The following RRBP1 variants were observed in gnomAD, a reference collection of about 807,000 sequenced individuals.
The protein encoded by RRBP1 is ribosome binding protein 1.
A neutral mutation model predicts 165.2 loss-of-function variants in RRBP1; 94 were observed. The observed-to-expected ratio is 0.57, with a 90% CI of 0.48 to 0.68. RRBP1 has a LOEUF of 0.68. RRBP1 is among the 30% of genes least tolerant of loss of function. The pLI is 0.00. For missense variants in RRBP1, 1,676 were observed against 1,763.0 expected (o/e 0.95, Z 0.88); for synonymous variants, 680 against 714.5 (o/e 0.95, Z 0.77).
chr20:17,677,864 GA>G (rs1188946891), intron 2 of RRBP1, among the ~76,000 whole-genome samples: 4 of 151,862 alleles, frequency 2.6e-5, no homozygotes, highest in African/African-American at 4.8e-5. Context: ...AAAAGAAAAA[GA>G]AAAAAAAGTT....
chr20:17,658,779 C>T lies in RRBP1; in HGVS notation c.1729G>A (p.Gly577Ser), dbSNP rs916948393. The T allele has an allele frequency of 6.2e-7, 1 of 1,613,928 alleles. No individual in the cohort carries two copies. The highest frequency in any genetic ancestry group is 1.6e-4 in the Middle Eastern group (1 of 6,062). Reference sequence around the variant, plus strand: ...TTGGGGGACCCTTCTGCCTTTTTGCCTTCACTGGGGGACCCTTCTGCTTTT... The same window carrying T: ...TTGGGGGACCCTTCTGCCTTTTTGCTTTCACTGGGGGACCCTTCTGCTTTT... Reference protein sequence around the residue: ...GKKAEGSPSEGKKAEGSPNQG... With the variant: ...GKKAEGSPSESKKAEGSPNQG... The change falls in exon 3 of 25, where the codon GGC becomes AGC. Residue 577 changes from glycine to serine, a missense_variant. Gly to Ser is a moderately conservative substitution (Grantham distance 56). Transcript: ENST00000377813.
chr20:17,620,514 C>T (rs531884487), intron 17 of RRBP1, 144 bp from the exon 18 acceptor site: 56 of 861,804 alleles, frequency 6.5e-5, no homozygotes, highest in Middle Eastern at 6.5e-4. Flanking sequence ...GTCACCCTGG[C>T]GCCATCTGGC....
rs117131714 is a variant in RRBP1 at position 17,622,307 on chromosome 20, G to A, written c.3148-360C>T. ...GTGTGCATGTGTGGGGGAATTTGGG[G>A]GGTCCGCAGTTGATGTGTGAGAGCC... On this transcript the variant is annotated intron_variant, in intron 13 of 24. Transcript: ENST00000377813. Among the ~76,000 whole-genome samples the A allele has an allele frequency of 5.8e-3, 883 of 152,286 alleles. 18 individuals carry two copies. In the East Asian group the frequency reaches 0.061, roughly 10 times the overall value.
Position 17,626,909 on chromosome 20 carries a change from C to T in RRBP1, c.2963+439G>A, listed in dbSNP as rs547257281. Among the ~76,000 whole-genome samples the T allele has an allele frequency of 5.3e-5, 8 of 152,352 alleles. No individual in the cohort carries two copies. The South Asian group carries it at 6.2e-4, about 12-fold the overall frequency. ...CGCTGAGACGCTGCCAGCTCTGCCC[C>T]GACGCCTCAAACCTGTGCTCCAGCA... is the stretch of plus-strand genomic sequence containing the variant. On this transcript the variant is annotated intron_variant, in intron 11 of 24. Transcript: ENST00000377813.
chr20:17,635,692 A>G, intron 6 of RRBP1, 28 bp from the exon 7 acceptor site: 1 of 1,571,742 alleles, frequency 6.4e-7, no homozygotes. Context: ...AGGGCATCAG[A>G]GGCAGCTCGG....
Position 17,660,230 on chromosome 20 carries a change from G to C in RRBP1, c.278C>G (p.Thr93Ser). 1 of 1,613,014 alleles carries C rather than the reference G, an allele frequency of 6.2e-7. No individual in the cohort carries two copies. Among genetic ancestry groups the C allele is most frequent in the Non-Finnish European group, 8.5e-7 (1 of 1,179,418 alleles). ...IPDHDPAPNV[T>S]VLLREPVRAP... ...CCGCACTGGTTCTCGAAGGAGGACA[G>C]TCACATTGGGGGCTGGATCATGATC... Residue 93 changes from threonine to serine, a missense_variant, in exon 3 of 25, where the codon ACT becomes AGT. By Grantham distance (58) the Thr-to-Ser change is moderately conservative. This residue lies in a region of RRBP1 where 392 missense variants were observed against 382.5 expected (regional missense o/e 1.02). Coordinates refer to ENST00000377813, the MANE Select transcript of RRBP1 (RefSeq NM_001365613.2).
rs147521709 is a variant in RRBP1, at chr20:17,614,683, C to G, written c.4194+54G>C. 1.8e-3 allele frequency: 2,940 copies of G among 1,598,570 alleles called. 35 individuals are homozygous for G. The African/African-American group carries it at 0.031, about 17-fold the overall frequency. ...TCTGCCTCTCCCGGTCCTGCCTCCCCGGGGCTCCCGGCAGCTCGACTCCTC... is the reference window on the plus strand; with the variant it reads ...TCTGCCTCTCCCGGTCCTGCCTCCCGGGGGCTCCCGGCAGCTCGACTCCTC... On this transcript the variant is annotated intron_variant, in intron 24 of 24. Transcript: ENST00000377813.
chr20:17,622,054 T>A (rs1165741367), intron 13 of RRBP1, 107 bp from the exon 14 acceptor site: 2 of 794,596 alleles, frequency 2.5e-6, no homozygotes, highest in Non-Finnish European at 4.3e-6. Context: ...AAAGGGCACA[T>A]CCTCAGCTCT....
chr20:17,641,058 C>T (rs2036347127), intron 5 of RRBP1, among the ~76,000 whole-genome samples: 1 of 152,048 alleles, frequency 6.6e-6, no homozygotes, highest in Admixed American at 6.5e-5. Flanking sequence ...TCCCAGAGGG[C>T]CAGGGGGCCC....
intron 16 of RRBP1, 125 bp downstream of exon 16, chr20:17,621,333 G>A (rs2035908884): frequency 3.0e-6 from 2 of 672,024 alleles, no homozygotes; most frequent in South Asian, 3.5e-5. Context: ...GAAGAACGGG[G>A]CCCAGAGTCA....
chr20:17,632,589 A>G (rs2036171150), intron 8 of RRBP1, among the ~76,000 whole-genome samples: 1 of 152,222 alleles, frequency 6.6e-6, no homozygotes, highest in Non-Finnish European at 1.5e-5. Flanking sequence ...TTCTAGTTCC[A>G]AGAGGCAGCA....
intron 2 of RRBP1, among the ~76,000 whole-genome samples, chr20:17,663,090 C>G (rs956804792): frequency 6.6e-6 from 1 of 152,220 alleles, no homozygotes; most frequent in South Asian, 2.1e-4. Context: ...GTCACCCTCA[C>G]TGAGGCTCCA....
intron 2 of RRBP1, among the ~76,000 whole-genome samples, chr20:17,676,119 G>A (rs1475538713): frequency 1.3e-5 from 2 of 152,214 alleles, no homozygotes; most frequent in African/African-American, 4.8e-5. Flanking sequence ...TGAGGCAGGA[G>A]GATTAACTGA....
chr20:17,619,792 T>TC, intron 18 of RRBP1, 64 bp from the exon 19 acceptor site: 1 of 1,255,916 alleles, frequency 8.0e-7, no homozygotes, highest in African/African-American at 1.5e-5. Context: ...GGCACTCACC[T>TC]CAGGGAGCAG....
At chr20:17,638,476 C>A (rs577967882) in intron 5 of RRBP1, among the ~76,000 whole-genome samples, 1 of 152,184 alleles carries the variant, frequency 6.6e-6, no homozygotes, top group Admixed American at 6.5e-5. Context: ...GGTCTGCAGA[C>A]CCCTATCTCC....
intron 5 of RRBP1, among the ~76,000 whole-genome samples, chr20:17,638,114 A>T (rs1185137751): frequency 6.6e-6 from 1 of 152,168 alleles, no homozygotes; most frequent in African/African-American, 2.4e-5. Flanking sequence ...GGGGAAAGGG[A>T]GGACAGCTTA....
chr20:17,615,612 A>C (rs1600721641), intron 22 of RRBP1, 83 bp from the exon 23 acceptor site: 1 of 1,185,812 alleles, frequency 8.4e-7, no homozygotes, highest in Non-Finnish European at 1.2e-6. Flanking sequence ...ACGCCTGGGG[A>C]CCAGGGGGCC....
At chr20:17,666,874 T>C (rs1168537056) in intron 2 of RRBP1, among the ~76,000 whole-genome samples, 3 of 152,254 alleles carry the variant, frequency 2.0e-5, no homozygotes, top group Non-Finnish European at 4.4e-5. Flanking sequence ...CCAATTGCAG[T>C]TGACATTTTC....
chr20:17,665,588 G>C (rs906304724), intron 2 of RRBP1, among the ~76,000 whole-genome samples: 1 of 152,020 alleles, frequency 6.6e-6, no homozygotes, highest in East Asian at 1.9e-4. Flanking sequence ...GGCCAGGCTG[G>C]GGTTTATTTA....
Sources: allele counts gnomAD v4.1 joint callset (sites outside exome capture counted in the v4.1 genomes callset), GRCh38; gene constraint gnomAD v4.1.1; regional missense constraint gnomAD v4.1.1; transcripts MANE v1.5; gene names NCBI Gene and HGNC (gene_info 2026-07-23, HGNC 2026-07-21).